PTK7: variants seen among roughly 807,000 people sequenced by gnomAD.
The protein encoded by PTK7 is inactive tyrosine-protein kinase 7.
PTK7 carries 39 observed loss-of-function variants against 116.6 expected under a neutral mutation model. That is an observed-to-expected ratio of 0.33 (90% confidence interval 0.26 to 0.44). The LOEUF (loss-of-function observed/expected upper bound fraction) is 0.44. Ranked by LOEUF, PTK7 falls within the 20% of genes least tolerant of loss-of-function variation. The pLI is 1.00. For missense variants in PTK7, 1,169 were observed against 1,425.6 expected, an observed-to-expected ratio of 0.82 and a Z score of 2.90; for synonymous variants, 546 against 563.6, an observed-to-expected ratio of 0.97 and a Z score of 0.44.
intron 1 of PTK7, among the ~76,000 whole-genome samples, chr6:43,090,172 G>T (rs115063647): frequency 0.013 from 2,036 of 152,350 alleles, 50 homozygotes; most frequent in African/African-American, 0.045. Context: ...AGGGGTAGGA[G>T]AGCGTGGGCT....
intron 7 of PTK7, among the ~76,000 whole-genome samples, chr6:43,137,094 T>C (rs1187892747): frequency 3.3e-5 from 5 of 152,210 alleles, no homozygotes; most frequent in African/African-American, 1.2e-4. Context: ...GGATTGTTTA[T>C]AACTATCATT....
chr6:43,114,298 C>G (rs1005995097), intron 1 of PTK7, among the ~76,000 whole-genome samples: 4 of 152,164 alleles, frequency 2.6e-5, no homozygotes, highest in African/African-American at 9.7e-5. Context: ...ATGTTGATCT[C>G]TCACCACCTC....
chr6:43,079,569 T>A (rs1766251591), intron 1 of PTK7, among the ~76,000 whole-genome samples: 1 of 152,108 alleles, frequency 6.6e-6, no homozygotes, highest in Admixed American at 6.5e-5. Flanking sequence ...ACATATAACG[T>A]ACACACAACT....
intron 1 of PTK7, among the ~76,000 whole-genome samples, chr6:43,114,352 GTCTC>G (rs370067302): frequency 1.6e-4 from 24 of 149,766 alleles, no homozygotes; most frequent in African/African-American, 2.9e-4. Flanking sequence ...CTGTCTGTCT[GTCTC>G]TCTCTCTCTC....
chr6:43,157,038 C>T (rs935718529), intron 17 of PTK7, among the ~76,000 whole-genome samples: 3 of 150,682 alleles, frequency 2.0e-5, no homozygotes, highest in African/African-American at 7.3e-5. Flanking sequence ...TATCTAGGAA[C>T]ATGTAAGTGG....
chr6:43,159,258 T>A (rs1284757982), intron 18 of PTK7, among the ~76,000 whole-genome samples: 1 of 152,238 alleles, frequency 6.6e-6, no homozygotes, highest in Non-Finnish European at 1.5e-5. Context: ...TCTATTTATA[T>A]GGCTCTCTCT....
chr6:43,144,490 A>C lies in PTK7; in HGVS notation c.2291A>C (p.Gln764Pro). The C allele has an allele frequency of 6.2e-7, 1 of 1,614,104 alleles. No individual in the cohort carries two copies. Reference sequence around the variant, plus strand: ...AACGGGCAGCCCTCAGCAGAGATCCAAGAAGAAGTGGCCTTGACCAGCTTG... The same window carrying C: ...AACGGGCAGCCCTCAGCAGAGATCCCAGAAGAAGTGGCCTTGACCAGCTTG... ...LQNGQPSAEI[Q>P]EEVALTSLGS... The change falls in exon 15 of 20, where the codon CAA becomes CCA. Residue 764 changes from glutamine to proline, a missense_variant. Coordinates refer to ENST00000230419, the MANE Select transcript of PTK7 (RefSeq NM_002821.5).
chr6:43,085,349 C>T (rs972278884), intron 1 of PTK7, among the ~76,000 whole-genome samples: 12 of 152,024 alleles, frequency 7.9e-5, no homozygotes, highest in Admixed American at 7.2e-4. Context: ...CCCGGGTTCG[C>T]GCCATTCTCC....
At chr6:43,107,969 C>G (rs952118555) in intron 1 of PTK7, among the ~76,000 whole-genome samples, 1 of 152,064 alleles carries the variant, frequency 6.6e-6, no homozygotes, top group Non-Finnish European at 1.5e-5. Context: ...AGGGTTTTAA[C>G]AGTTATTTAC....
intron 17 of PTK7, among the ~76,000 whole-genome samples, chr6:43,148,998 G>T (rs185519878): frequency 1.7e-4 from 24 of 145,450 alleles, no homozygotes; most frequent in African/African-American, 5.9e-4. Context: ...GATGGAGGTT[G>T]CAGTGAGCCA....
At chr6:43,146,553 G>C in intron 16 of PTK7, 65 bp from the exon 17 acceptor site, 3 of 1,480,426 alleles carry the variant, frequency 2.0e-6, no homozygotes, top group Non-Finnish European at 2.8e-6. Flanking sequence ...GCACCTGCTT[G>C]GTCTGAGGCT....
In PTK7 at chr6:43,132,497, C is replaced by G. The variant is rs778507407; in HGVS notation, c.1038C>G (p.Pro346=). ...GSEERVTCLP[P]KGLPEPSVWW... ...AGGAGCGTGTGACCTGCCTTCCCCC[C>G]AAGGGTCTGCCAGAGCCCAGCGTGT... Residue 346 remains proline (P), a synonymous_variant, in exon 7 of 20, where the codon CCC becomes CCG. Coordinates refer to ENST00000230419, the MANE Select transcript of PTK7 (RefSeq NM_002821.5). The G allele has an allele frequency of 1.4e-5, 22 of 1,610,338 alleles. No homozygotes were observed. The highest frequency in any genetic ancestry group is 6.7e-5 in the East Asian group (3 of 44,744).
At position 43,126,855 on chromosome 6, in the gene PTK7, A is replaced by T. The variant is rs1245305333; in HGVS notation, c.80-2122A>T. Among the ~76,000 whole-genome samples the T allele has an allele frequency of 2.0e-5, 3 of 152,300 alleles. No homozygotes were observed. In the East Asian group the frequency reaches 5.8e-4, roughly 29 times the overall value. Reference sequence around the variant, plus strand: ...ATTTGTTAACTTGCACAGCAGGTGGAATAGCTCACCCAGAGAACCATCAGT... The same window carrying T: ...ATTTGTTAACTTGCACAGCAGGTGGTATAGCTCACCCAGAGAACCATCAGT... On this transcript the variant is annotated intron_variant, in intron 1 of 19. Transcript: ENST00000230419.
chr6:43,112,153 T>G (rs937024357), intron 1 of PTK7, among the ~76,000 whole-genome samples: 1 of 152,200 alleles, frequency 6.6e-6, no homozygotes, highest in Non-Finnish European at 1.5e-5. Context: ...TGCCAGCACC[T>G]TACAGTTACA....
In PTK7 at chr6:43,143,317, T is replaced by C; in HGVS notation, c.2048-100T>C. ...AAGGTGGTGACCCTCCCGGGCCATC[T>C]GTTAAGTTGCCCTGTTGATGGGGTT... On this transcript the variant is annotated intron_variant, in intron 13 of 19. Transcript: ENST00000230419. The surrounding 1 kb of genome is among the most constrained non-coding windows in gnomAD (Gnocchi z 4.2). The C allele has an allele frequency of 8.2e-7, 1 of 1,214,408 alleles. No individual in the cohort carries two copies. The highest frequency in any genetic ancestry group is 1.4e-5 in the South Asian group (1 of 72,754). The allele number at this position is 1,214,408 out of a possible 1,614,324, so 75.2% of individuals were successfully genotyped here.
At chr6:43,106,876 A>G (rs1191235838) in intron 1 of PTK7, among the ~76,000 whole-genome samples, 1 of 149,324 alleles carries the variant, frequency 6.7e-6, no homozygotes. Context: ...TTGGCCTCCC[A>G]AAGTGCTGGG....
rs1306474644 is a variant in PTK7 at position 43,157,341 on chromosome 6, TATATATATATATATA to T, written c.2722-1475_2722-1461del. Among the ~76,000 whole-genome samples the T allele has an allele frequency of 2.0e-3, 24 of 12,016 alleles. 1 individual carries two copies. The highest frequency in any genetic ancestry group is 2.6e-3 in the Non-Finnish European group (16 of 6,262). The allele number at this position is 12,016 out of a possible 152,430, so 7.9% of individuals were successfully genotyped here. On this transcript the variant is annotated intron_variant, in intron 17 of 19. Transcript: ENST00000230419. ...GACACACACGCTATATATATATATA[TATATATATATATATA>T]TATATATATTTTTTTTTTTCTTTTT...
chr6:43,076,958 C>T lies in PTK7; in HGVS notation c.79+391C>T, dbSNP rs758182626. 6.6e-6 allele frequency: 10 copies of T among 1,511,772 alleles called. No homozygotes were observed. The highest frequency in any genetic ancestry group is 1.4e-5 in the African/African-American group (1 of 72,376). 93.6% of individuals were successfully genotyped at this position (1,511,772 alleles called of 1,614,324 possible). A position where few individuals can be genotyped will look rare whatever the true frequency, so the allele number is the denominator to read the frequency against. ...GGAGCGCGATGGAGAAAAAGGAATT[C>T]CCCACCCCACCCGGCAGGGTCGGCC... On this transcript the variant is annotated intron_variant, in intron 1 of 19. Coordinates refer to ENST00000230419, the MANE Select transcript of PTK7 (RefSeq NM_002821.5). The surrounding 1 kb of genome is among the most constrained non-coding windows in gnomAD (Gnocchi z 5.7).
At chr6:43,133,960 G>A (rs1769870942) in intron 7 of PTK7, among the ~76,000 whole-genome samples, 1 of 152,234 alleles carries the variant, frequency 6.6e-6, no homozygotes, top group South Asian at 2.1e-4. Flanking sequence ...GACACTCACA[G>A]TGCAGGTGCA....
Sources: allele counts gnomAD v4.1 joint callset (sites outside exome capture counted in the v4.1 genomes callset), GRCh38; gene constraint gnomAD v4.1.1; non-coding constraint Gnocchi (gnomAD v3.1); transcripts MANE v1.5; gene names NCBI Gene and HGNC (gene_info 2026-07-23, HGNC 2026-07-21).